The following TMEM135 variants were observed in gnomAD, a reference collection of about 807,000 sequenced individuals.
TMEM135 encodes the protein peroxisomal membrane protein 52.
In TMEM135, 30 loss-of-function variants were observed where a neutral mutation model predicts 60.3. The ratio of observed to expected loss-of-function variants is 0.50; its 90% CI spans 0.37 to 0.68. The LOEUF (loss-of-function observed/expected upper bound fraction) is 0.68. Ranked by LOEUF, TMEM135 falls within the 30% of genes least tolerant of loss-of-function variation. TMEM135 has a pLI of 0.00. For synonymous variants in TMEM135, 190 were observed against 186.7 expected (o/e 1.02, Z -0.14); for missense variants, 468 against 548.8 (o/e 0.85, Z 1.47).
chr11:87,178,961 A>T (rs1435811646), intron 5 of TMEM135, among the ~76,000 whole-genome samples: 2 of 112,010 alleles, frequency 1.8e-5, no homozygotes, highest in African/African-American at 8.8e-5. Context: ...AATAATGCTT[A>T]AAAAAAAAGT....
At chr11:87,045,248 T>C (rs1201240196) in intron 1 of TMEM135, among the ~76,000 whole-genome samples, 1 of 151,792 alleles carries the variant, frequency 6.6e-6, no homozygotes, top group East Asian at 1.9e-4. Flanking sequence ...GCCAGGATGG[T>C]CTCGATCTCC....
intron 4 of TMEM135, among the ~76,000 whole-genome samples, chr11:87,112,428 T>C (rs191874334): frequency 4.6e-5 from 7 of 152,270 alleles, no homozygotes; most frequent in Admixed American, 4.6e-4. Flanking sequence ...TTCACAGAGT[T>C]TTTATCATTT....
intron 5 of TMEM135, among the ~76,000 whole-genome samples, chr11:87,208,184 C>G (rs1180096920): frequency 6.6e-6 from 1 of 152,142 alleles, no homozygotes; most frequent in Non-Finnish European, 1.5e-5. Context: ...CTTTTTACCT[C>G]CAAACGATCG....
At chr11:87,269,767 T>C (rs1286196744) in intron 6 of TMEM135, among the ~76,000 whole-genome samples, 1 of 151,294 alleles carries the variant, frequency 6.6e-6, no homozygotes, top group Non-Finnish European at 1.5e-5. Flanking sequence ...GGGTTGGTTC[T>C]AAGTCTTTGC....
chr11:87,271,869 G>C (rs564456355), intron 6 of TMEM135, among the ~76,000 whole-genome samples: 1 of 152,124 alleles, frequency 6.6e-6, no homozygotes, highest in South Asian at 2.1e-4. Flanking sequence ...TCAGGAAGTC[G>C]AGGCTGCATT....
In TMEM135 at chr11:87,064,753, C is replaced by T. The variant is rs553158455; in HGVS notation, c.142-2941C>T. 4.6e-5 allele frequency among the ~76,000 whole-genome samples: 7 copies of T among 152,062 alleles called. No individual in the cohort carries two copies. The South Asian group carries it at 1.0e-3, about 23-fold the overall frequency. The stretch of plus-strand genomic sequence containing the variant: ...CAAAAAATTAGCTGGGCGTGGTGGC[C>T]GGCGCCTGTAATCCCTGCTACTTGG... On this transcript the variant is annotated intron_variant, in intron 1 of 14. Transcript: ENST00000305494.
intron 4 of TMEM135, among the ~76,000 whole-genome samples, chr11:87,148,372 C>G (rs1374308838): frequency 6.6e-6 from 1 of 152,084 alleles, no homozygotes; most frequent in East Asian, 1.9e-4. Context: ...TGGCAGAATG[C>G]TATTAGAATG....
chr11:87,272,295 A>G (rs1045857895), intron 6 of TMEM135, among the ~76,000 whole-genome samples: 16 of 151,654 alleles, frequency 1.1e-4, no homozygotes, highest in Admixed American at 4.6e-4. Flanking sequence ...ACCTCAGGCA[A>G]TCCTCCCGCC....
intron 6 of TMEM135, among the ~76,000 whole-genome samples, chr11:87,247,258 C>T (rs1360016221): frequency 1.3e-5 from 2 of 152,140 alleles, no homozygotes; most frequent in African/African-American, 4.8e-5. Flanking sequence ...GTCGGTCTGC[C>T]CCTACTGGGG....
chr11:87,274,993 ACTT>A (rs1470189264), intron 6 of TMEM135, among the ~76,000 whole-genome samples: 1 of 151,228 alleles, frequency 6.6e-6, no homozygotes, highest in East Asian at 1.9e-4. Context: ...ATAAATTTTA[ACTT>A]CTTTTTTTGT....
intron 5 of TMEM135, among the ~76,000 whole-genome samples, chr11:87,167,338 C>G (rs750392954): frequency 3.9e-5 from 6 of 152,154 alleles, no homozygotes; most frequent in African/African-American, 1.4e-4. Context: ...ACTTCCAATA[C>G]TATGTTGAAT....
intron 4 of TMEM135, among the ~76,000 whole-genome samples, chr11:87,112,511 G>A (rs1189716327): frequency 1.3e-5 from 2 of 152,022 alleles, no homozygotes; most frequent in East Asian, 1.9e-4. Context: ...AAAAACAGAA[G>A]CGAAGAACGG....
chr11:87,178,316 G>C, intron 5 of TMEM135: 1 of 432,816 alleles, frequency 2.3e-6, no homozygotes, highest in Non-Finnish European at 4.6e-6. Context: ...CAGGAACTAG[G>C]AACAAAGTCC....
intron 4 of TMEM135, among the ~76,000 whole-genome samples, chr11:87,144,332 A>C (rs950461683): frequency 4.6e-5 from 7 of 152,220 alleles, no homozygotes; most frequent in Non-Finnish European, 1.0e-4. Context: ...CTAAAGGGCC[A>C]GTAAGTGTTT....
chr11:87,236,509 G>T, intron 5 of TMEM135, 129 bp from the exon 6 acceptor site: 1 of 786,738 alleles, frequency 1.3e-6, no homozygotes, highest in South Asian at 1.5e-5. Flanking sequence ...AATATGAAAT[G>T]TGTGTGACTG....
chr11:87,038,218 T>A (rs1175519142), intron 1 of TMEM135, 32 bp downstream of exon 1: 2 of 1,612,248 alleles, frequency 1.2e-6, no homozygotes, highest in Admixed American at 3.3e-5. Context: ...GCAGGGCGAG[T>A]TTAGTCTGGA....
intron 4 of TMEM135, among the ~76,000 whole-genome samples, chr11:87,135,407 T>G (rs1938061705): frequency 6.6e-6 from 1 of 152,092 alleles, no homozygotes; most frequent in South Asian, 2.1e-4. Context: ...ATGTTTTGTG[T>G]AAAGTATCGA....
At chr11:87,259,358 C>T in intron 6 of TMEM135, 1 of 304,338 alleles carries the variant, frequency 3.3e-6, no homozygotes, top group Non-Finnish European at 6.5e-6. Flanking sequence ...TGAATGACAA[C>T]ACCCAGAAGG....
intron 4 of TMEM135, among the ~76,000 whole-genome samples, chr11:87,115,447 C>T (rs1295251401): frequency 6.6e-6 from 1 of 152,014 alleles, no homozygotes; most frequent in Non-Finnish European, 1.5e-5. Context: ...CTATGATTTC[C>T]CCCTACCCCA....
Sources: gnomAD v4.1 joint callset for allele counts (sites outside exome capture counted in the v4.1 genomes callset) on GRCh38, gnomAD v4.1.1 for gene constraint, MANE v1.5 for transcripts, NCBI Gene and HGNC (gene_info 2026-07-23, HGNC 2026-07-21) for gene names.